MYCBP2: variants seen among roughly 807,000 people sequenced by gnomAD.
MYCBP2 encodes MYC binding protein 2, also known as E3 ubiquitin-protein ligase MYCBP2.
In MYCBP2, 120 loss-of-function variants were observed where a neutral mutation model predicts 525.3. The observed-to-expected ratio is 0.23, with a 90% CI of 0.20 to 0.27. MYCBP2 has a LOEUF of 0.27. Ranked by LOEUF, MYCBP2 falls within the 10% of genes least tolerant of loss-of-function variation. The pLI is 1.00. For synonymous variants in MYCBP2, 1,894 were observed against 1,955.8 expected (o/e 0.97, Z 0.83); for missense variants, 4,149 against 5,657.1 (o/e 0.73, Z 8.55).
intron 60 of MYCBP2, among the ~76,000 whole-genome samples, chr13:77,089,760 A>G (rs2045061706): frequency 6.6e-6 from 1 of 151,864 alleles, no homozygotes; most frequent in South Asian, 2.1e-4. Context: ...GGGTGGAGAG[A>G]TAACTGTGAA....
chr13:77,306,000 C>T (rs1289234632), intron 1 of MYCBP2, among the ~76,000 whole-genome samples: 3 of 152,142 alleles, frequency 2.0e-5, no homozygotes, highest in African/African-American at 7.2e-5. Flanking sequence ...AGGATTTGTA[C>T]TATCACCACT....
chr13:77,260,291 A>C lies in MYCBP2; in HGVS notation c.2017+137T>G, dbSNP rs2073041243. ...TATGACAGAAAATTTCTCTTTCGAA[A>C]TATTTCACATTTGGAAGGAAATGTA... On this transcript the variant is annotated intron_variant, in intron 13 of 82. Coordinates refer to ENST00000544440, the MANE Select transcript of MYCBP2 (RefSeq NM_015057.5). The C allele has an allele frequency of 8.0e-6, 5 of 627,224 alleles. No homozygotes were observed. In the South Asian group the frequency reaches 1.1e-4, roughly 14 times the overall value. The allele number at this position is 627,224 out of a possible 1,614,324, so 38.9% of individuals were successfully genotyped here.
chr13:77,273,676 T>A lies in MYCBP2; in HGVS notation c.749-8A>T. 1 of 1,478,566 alleles carries A rather than the reference T, an allele frequency of 6.8e-7. No homozygotes were observed. Among genetic ancestry groups the A allele is most frequent in the South Asian group, 1.5e-5 (1 of 66,084 alleles). 91.6% of individuals were successfully genotyped at this position (1,478,566 alleles called of 1,614,324 possible). On this transcript the variant is annotated splice_polypyrimidine_tract_variant and splice_region_variant and intron_variant, in intron 4 of 82. Transcript: ENST00000544440. ...GAAGCTGGAAGAGAGACTCTGTGGA[T>A]AAAATAGAATTCAATTATATTCATC... is the stretch of plus-strand genomic sequence containing the variant.
At position 77,211,302 on chromosome 13, in the gene MYCBP2, A is replaced by G. The variant is rs774447393; in HGVS notation, c.3281T>C (p.Ile1094Thr). ...KHIIGLVPAS[I>T]SEPPPFKCLL... ...GCATTTAAATGGAGGAGGTTCTGAT[A>G]TAGAAGCAGGTACCAAGCCTTAAGA... is the stretch of plus-strand genomic sequence containing the variant. Residue 1094 changes from isoleucine to threonine, a missense_variant, in exon 23 of 83, where the codon ATA (isoleucine) becomes ACA (threonine). This residue lies in a region of MYCBP2 where 620 missense variants were observed against 795.5 expected (regional missense o/e 0.78). Coordinates refer to ENST00000544440, the MANE Select transcript of MYCBP2 (RefSeq NM_015057.5). The G allele has an allele frequency of 2.0e-6, 3 of 1,473,422 alleles. No individual in the cohort carries two copies. The South Asian group carries it at 4.8e-5, about 24-fold the overall frequency. 91.3% of individuals were successfully genotyped at this position (1,473,422 alleles called of 1,614,324 possible).
In MYCBP2 at chr13:77,050,734, T is replaced by C. The variant is rs192616523; in HGVS notation, c.13921+263A>G. Reference sequence around the variant, plus strand: ...ATGACTTTTTAGTGCTGAACAGCCATCTTTTCACCAATCCTTAGTAGACTT... The same window carrying C: ...ATGACTTTTTAGTGCTGAACAGCCACCTTTTCACCAATCCTTAGTAGACTT... On this transcript the variant is annotated intron_variant, in intron 82 of 82. Transcript: ENST00000544440. Among the ~76,000 whole-genome samples, 9 of 152,282 alleles carry C rather than the reference T, an allele frequency of 5.9e-5. No homozygotes were observed. In the East Asian group the frequency reaches 1.7e-3, roughly 29 times the overall value.
intron 43 of MYCBP2, 89 bp downstream of exon 43, chr13:77,164,365 A>G: frequency 1.3e-6 from 1 of 794,684 alleles, no homozygotes; most frequent in Non-Finnish European, 2.1e-6. Flanking sequence ...TACAAAATTC[A>G]TTTTGCAAAT....
chr13:77,290,867 A>G (rs1228946387), intron 2 of MYCBP2, among the ~76,000 whole-genome samples: 3 of 152,232 alleles, frequency 2.0e-5, no homozygotes, highest in Admixed American at 1.3e-4. Context: ...CTGCATTCAT[A>G]CTGAAATCAT....
chr13:77,225,073 T>G (rs2154295637), intron 19 of MYCBP2, among the ~76,000 whole-genome samples: 1 of 152,338 alleles, frequency 6.6e-6, no homozygotes, highest in South Asian at 2.1e-4. Context: ...AGAAAGTAAA[T>G]TTGTTGACAT....
chr13:77,061,831 A>G (rs1226075050), intron 74 of MYCBP2, 41 bp from the exon 75 acceptor site: 1 of 1,526,954 alleles, frequency 6.5e-7, no homozygotes, highest in South Asian at 1.3e-5. Flanking sequence ...TTAACAAGCA[A>G]GTCTCAGACT....
Position 77,180,258 on chromosome 13 carries a change from T to A in MYCBP2, c.5002A>T (p.Ile1668Phe). The A allele has an allele frequency of 6.2e-7, 1 of 1,614,190 alleles. No individual in the cohort carries two copies. The highest frequency in any genetic ancestry group is 8.5e-7 in the Non-Finnish European group (1 of 1,180,018). ...FREVLEKMLV[I>F]VVLPVRNSLR... ...CTGTTCCTGACTGGTAGCACAACAA[T>A]GACCAGCATTTTCTCCAGAACTTCA... Residue 1668 changes from isoleucine to phenylalanine, a missense_variant, in exon 34 of 83, where the codon ATT becomes TTT. This residue lies in a region of MYCBP2 where 292 missense variants were observed against 330.5 expected (regional missense o/e 0.88). Coordinates refer to ENST00000544440, the MANE Select transcript of MYCBP2 (RefSeq NM_015057.5).
At chr13:77,064,771 G>C in intron 72 of MYCBP2, 37 bp from the exon 73 acceptor site, 1 of 1,576,708 alleles carries the variant, frequency 6.3e-7, no homozygotes, top group Non-Finnish European at 8.6e-7. Flanking sequence ...TAAGTGACCA[G>C]AAATGTATTA....
Position 77,077,550 on chromosome 13 carries a change from A to G in MYCBP2, c.11485-163T>C, listed in dbSNP as rs1377059049. 4 of 775,014 alleles carry G rather than the reference A, an allele frequency of 5.2e-6. No individual in the cohort carries two copies. The East Asian group carries it at 1.1e-4, about 21-fold the overall frequency. 48.0% of individuals were successfully genotyped at this position (775,014 alleles called of 1,614,324 possible). A position where few individuals can be genotyped will look rare whatever the true frequency, so the allele number is the denominator to read the frequency against. On this transcript the variant is annotated intron_variant, in intron 66 of 82. Transcript: ENST00000544440. ...ATTTTCTTATTTCAACCAGGTGAAGATAAGTAATATTATTTATAGTAGCTA... is the reference window on the plus strand; with the variant it reads ...ATTTTCTTATTTCAACCAGGTGAAGGTAAGTAATATTATTTATAGTAGCTA...
intron 9 of MYCBP2, 57 bp downstream of exon 9, chr13:77,263,872 T>C: frequency 3.1e-6 from 5 of 1,606,734 alleles, no homozygotes; most frequent in East Asian, 2.2e-5. Context: ...AAAAGCTAAA[T>C]AATTTAAGGA....
At chr13:77,317,128 T>C (rs1190837007) in intron 1 of MYCBP2, among the ~76,000 whole-genome samples, 2 of 152,152 alleles carry the variant, frequency 1.3e-5, no homozygotes, top group African/African-American at 4.8e-5. Context: ...TGTTTTGTAT[T>C]TGTAGTACAA....
At chr13:77,052,275 G>A (rs2285385) in intron 80 of MYCBP2, among the ~76,000 whole-genome samples, 4,661 of 151,970 alleles carry the variant, frequency 0.031, 174 homozygotes, top group East Asian at 0.19. Context: ...CATGGCTCCC[G>A]ACAGCCTCAA....
chr13:77,140,761 G>C, intron 50 of MYCBP2, 85 bp downstream of exon 50: 1 of 923,578 alleles, frequency 1.1e-6, no homozygotes. Flanking sequence ...CAAGTAAAAT[G>C]TTAGATGTTT....
At chr13:77,087,808 T>C (rs1170937375) in intron 61 of MYCBP2, 175 bp from the exon 62 acceptor site, 4 of 568,696 alleles carry the variant, frequency 7.0e-6, no homozygotes, top group Admixed American at 6.6e-5. Flanking sequence ...AGAGACAGTG[T>C]CTCGCTCTGT....
intron 59 of MYCBP2, among the ~76,000 whole-genome samples, chr13:77,091,481 CA>C (rs1160267114): frequency 6.6e-6 from 1 of 150,756 alleles, no homozygotes; most frequent in East Asian, 2.0e-4. Flanking sequence ...CAAGAAAATC[CA>C]AAGAAGAAAG....
Position 77,055,774 on chromosome 13 carries a change from TA to T in MYCBP2, c.13438-8del, listed in dbSNP as rs1280622873. The T allele has an allele frequency of 3.8e-6, 6 of 1,596,762 alleles. No homozygotes were observed. The highest frequency in any genetic ancestry group is 5.1e-6 in the Non-Finnish European group (6 of 1,167,376). On this transcript the variant is annotated splice_polypyrimidine_tract_variant and splice_region_variant and intron_variant, in intron 79 of 82. Transcript: ENST00000544440. ...CTATGTGATTAATTTTGTTCTGCAA[TA>T]AAAAATGAACACTCTTTAGCAGAAT...
Sources: allele counts gnomAD v4.1 joint callset (sites outside exome capture counted in the v4.1 genomes callset), GRCh38; gene constraint gnomAD v4.1.1; regional missense constraint gnomAD v4.1.1; transcripts MANE v1.5; gene names NCBI Gene and HGNC (gene_info 2026-07-23, HGNC 2026-07-21).